Variants in PAQR3 observed in about 807,000 individuals in gnomAD.
PAQR3 encodes the protein Raf kinase trapping to Golgi.
In PAQR3, 39 loss-of-function variants were observed where a neutral mutation model predicts 41.7. The ratio of observed to expected loss-of-function variants is 0.93; its 90% CI spans 0.72 to 1.22. PAQR3 has a LOEUF of 1.22. Ranked by LOEUF, PAQR3 falls within the 50% of genes most tolerant of loss-of-function variation. The pLI, the probability that PAQR3 is intolerant of heterozygous loss-of-function variation, is 0.00. For missense variants in PAQR3, 366 were observed against 385.6 expected (o/e 0.95, Z 0.42); for synonymous variants, 140 against 140.6 (o/e 1.00, Z 0.03).
At chr4:78,929,019 G>A (rs1424191311) in intron 3 of PAQR3, among the ~76,000 whole-genome samples, 1 of 152,212 alleles carries the variant, frequency 6.6e-6, no homozygotes, top group Non-Finnish European at 1.5e-5. Context: ...ACAGGAGGCA[G>A]AGCTCAGGTG....
chr4:78,910,679 A>G (rs745665309), downstream of PAQR3: 2 of 1,606,150 alleles, frequency 1.2e-6, no homozygotes, highest in African/African-American at 1.3e-5. Context: ...CCTATCAAGA[A>G]CGGTAAAACA....
Position 78,895,992 on chromosome 4 carries a change from G to T in PAQR3, c.*837-7844C>A, listed in dbSNP as rs113049898. ...GAATAGGCTGATCTTGAATTTCTGG[G>T]TTCAAGCAATCCTGCCTTGGCCTCC... is the stretch of plus-strand genomic sequence containing the variant. On this transcript the variant is annotated intron_variant and NMD_transcript_variant, in intron 11 of 12. Transcript: ENST00000342820. 1.7e-4 allele frequency among the ~76,000 whole-genome samples: 26 copies of T among 152,174 alleles called. 1 individual carries two copies. The highest frequency in any genetic ancestry group is 6.0e-4 in the African/African-American group (25 of 41,534).
At chr4:78,903,344 G>A (rs1033301624) in intron 11 of PAQR3, among the ~76,000 whole-genome samples, 2 of 151,876 alleles carry the variant, frequency 1.3e-5, no homozygotes, top group African/African-American at 2.4e-5. Flanking sequence ...ATGCATAAAT[G>A]TACATAATTA....
Position 78,887,246 on chromosome 4 carries a change from A to G in PAQR3, c.*988T>C, listed in dbSNP as rs200263125. 6.2e-4 allele frequency: 1,002 copies of G among 1,611,414 alleles called. 4 individuals carry two copies. In the Middle Eastern group the frequency reaches 6.4e-3, roughly 10 times the overall value. On this transcript the variant is annotated 3_prime_UTR_variant and NMD_transcript_variant, in exon 13 of 13. Transcript: ENST00000342820. Reference sequence around the variant, plus strand: ...TCTGCTCCACATAACCATCCTCCAGAAGATCCTTTTGGTTCTGTTCCTTTC... The same window carrying G: ...TCTGCTCCACATAACCATCCTCCAGGAGATCCTTTTGGTTCTGTTCCTTTC...
chr4:78,896,751 C>A (rs1279538133), intron 11 of PAQR3, among the ~76,000 whole-genome samples: 1 of 152,076 alleles, frequency 6.6e-6, no homozygotes, highest in Non-Finnish European at 1.5e-5. Flanking sequence ...CACAATATTT[C>A]TTTGCTGCTG....
chr4:78,920,590 G>A lies in PAQR3; in HGVS notation c.885C>T (p.Val295=), dbSNP rs1735561155. The A allele has an allele frequency of 6.2e-7, 1 of 1,611,802 alleles. No individual in the cohort carries two copies. The highest frequency in any genetic ancestry group is 1.3e-5 in the African/African-American group (1 of 74,702). The change falls in exon 6 of 6, where the codon GTC becomes GTT. Residue 295 remains valine, a synonymous_variant. Transcript: ENST00000512733. ...LYWWHQSTVY[V]MQYRHSKPCP... ...AAGGCTTGCTATGTCTGTACTGCAT[G>A]ACATACACTGTTGACTGATGCCACC... is the stretch of plus-strand genomic sequence containing the variant.
downstream of PAQR3, among the ~76,000 whole-genome samples, chr4:78,907,271 A>G (rs1031135934): frequency 2.0e-5 from 3 of 152,222 alleles, no homozygotes; most frequent in Admixed American, 2.0e-4. Flanking sequence ...TACAACTTTG[A>G]TAAATGGACA....
In PAQR3 at chr4:78,918,413, C is replaced by G. The variant is rs1476055086; in HGVS notation, c.*2126G>C. 2.0e-6 allele frequency: 2 copies of G among 976,664 alleles called. No homozygotes were observed. Among genetic ancestry groups the G allele is most frequent in the African/African-American group, 3.5e-5 (2 of 56,930 alleles). 60.5% of individuals were successfully genotyped at this position (976,664 alleles called of 1,614,324 possible). A position where few individuals can be genotyped will look rare whatever the true frequency, so the allele number is the denominator to read the frequency against. Reference sequence around the variant, plus strand: ...TGCTGACTGACATACAGAAGTGTTTCTAGTTAACAGCAATCCATATTCATT... The same window carrying G: ...TGCTGACTGACATACAGAAGTGTTTGTAGTTAACAGCAATCCATATTCATT... On this transcript the variant is annotated 3_prime_UTR_variant, in exon 6 of 6. Transcript: ENST00000512733.
chr4:78,887,114 A>T, downstream of PAQR3: 1 of 1,223,888 alleles, frequency 8.2e-7, no homozygotes, highest in Non-Finnish European at 1.2e-6. Context: ...ATCACTTTTT[A>T]ATTTAAAGAT....
chr4:78,930,858 TTA>T (rs1445867700), intron 2 of PAQR3, among the ~76,000 whole-genome samples: 1 of 146,986 alleles, frequency 6.8e-6, no homozygotes, highest in African/African-American at 2.5e-5. Context: ...CTGTGATATA[TTA>T]GTCTATACAC....
downstream of PAQR3, chr4:78,911,758 G>C (rs1560561281): frequency 6.2e-7 from 1 of 1,613,996 alleles, no homozygotes; most frequent in Non-Finnish European, 8.5e-7. Context: ...CCCCTTCGGT[G>C]CCAAGCCCTT....
intron 3 of PAQR3, among the ~76,000 whole-genome samples, chr4:78,929,754 C>T (rs1268277598): frequency 4.6e-5 from 7 of 151,794 alleles, no homozygotes; most frequent in Non-Finnish European, 1.0e-4. Context: ...TATTTTTTTT[C>T]ACTGAGAGGA....
chr4:78,933,279 AAATGG>A (rs1425873285), intron 2 of PAQR3: 1 of 456,086 alleles, frequency 2.2e-6, no homozygotes, highest in Admixed American at 2.3e-5. Context: ...AACTGAATGT[AAATGG>A]ATCAAATCAA....
In PAQR3 at chr4:78,889,200, G is replaced by A. The variant is rs376202178; in HGVS notation, c.*837-1052C>T. 8.7e-5 allele frequency among the ~76,000 whole-genome samples: 11 copies of A among 126,298 alleles called. No individual in the cohort carries two copies. In the East Asian group the frequency reaches 1.9e-3, roughly 22 times the overall value. The allele number at this position is 126,298 out of a possible 152,430, so 82.9% of individuals were successfully genotyped here. On this transcript the variant is annotated intron_variant and NMD_transcript_variant, in intron 11 of 12. Coordinates refer to the PAQR3 transcript ENST00000342820. ...CGTGCCAGTGCACTCCAACCTGGGC[G>A]ATAGAGTGAGACTCTGTCTCAAAAA... is the stretch of plus-strand genomic sequence containing the variant.
At chr4:78,922,561 A>C in intron 5 of PAQR3, 1 of 640,464 alleles carries the variant, frequency 1.6e-6, no homozygotes, top group Non-Finnish European at 2.5e-6. Flanking sequence ...ACTTACCTGG[A>C]TTTGCATCAC....
Position 78,918,334 on chromosome 4 carries a change from AAT to A in PAQR3, c.*2203_*2204del, listed in dbSNP as rs1735299681. On this transcript the variant is annotated 3_prime_UTR_variant, in exon 6 of 6. Coordinates refer to ENST00000512733, the MANE Select transcript of PAQR3 (RefSeq NM_001040202.2). ...CTTTAAAATATTTTTTAATGTTAAC[AAT>A]GTCTTCAAAATTTTACCAGTAGTGC... is the stretch of plus-strand genomic sequence containing the variant. 1.0e-6 allele frequency: 1 copy of A among 974,682 alleles called. No individual in the cohort carries two copies. The highest frequency in any genetic ancestry group is 1.8e-5 in the African/African-American group (1 of 56,928). The allele number at this position is 974,682 out of a possible 1,614,324, so 60.4% of individuals were successfully genotyped here.
chr4:78,890,385 C>G (rs1272087096), intron 11 of PAQR3, among the ~76,000 whole-genome samples: 1 of 145,782 alleles, frequency 6.9e-6, no homozygotes, highest in Admixed American at 6.6e-5. Flanking sequence ...TTGTCCGCCT[C>G]ACACATACAC....
downstream of PAQR3, chr4:78,911,145 G>A: frequency 6.2e-7 from 1 of 1,613,946 alleles, no homozygotes; most frequent in Admixed American, 1.7e-5. Context: ...TCTTTGCAGT[G>A]CGTGCTCAAC....
rs770648911 is a variant in PAQR3, at chr4:78,920,524, G to T, written c.*15C>A. ...ATTGCTTAACAACTGAATTCACCAG[G>T]TGGCCATACCTAATTCACAAATGTG... On this transcript the variant is annotated 3_prime_UTR_variant, in exon 6 of 6. Coordinates refer to ENST00000512733, the MANE Select transcript of PAQR3 (RefSeq NM_001040202.2). The T allele has an allele frequency of 4.4e-6, 7 of 1,601,112 alleles. No homozygotes were observed. In the African/African-American group the frequency reaches 9.5e-5, roughly 22 times the overall value.
Sources: gnomAD v4.1 joint callset for allele counts (sites outside exome capture counted in the v4.1 genomes callset) on GRCh38, gnomAD v4.1.1 for gene constraint, MANE v1.5 for transcripts, NCBI Gene and HGNC (gene_info 2026-07-23, HGNC 2026-07-21) for gene names.